Variants in RAPGEF2 observed in about 807,000 individuals in gnomAD.
RAPGEF2 encodes PDZ domain containing guanine nucleotide exchange factor (GEF) 1.
A neutral mutation model predicts 186.7 loss-of-function variants in RAPGEF2; 54 were observed. The observed-to-expected ratio is 0.29, with a 90% CI of 0.23 to 0.36. The LOEUF (loss-of-function observed/expected upper bound fraction) is 0.36. Ranked by LOEUF, RAPGEF2 falls within the 10% of genes least tolerant of loss-of-function variation. RAPGEF2 has a pLI of 1.00. For synonymous variants in RAPGEF2, 712 were observed against 705.9 expected, an observed-to-expected ratio of 1.01 and a Z score of -0.14; for missense variants, 1,532 against 2,045.0, an observed-to-expected ratio of 0.75 and a Z score of 4.84.
intron 1 of RAPGEF2, among the ~76,000 whole-genome samples, chr4:159,116,398 A>G (rs1243630359): frequency 6.6e-6 from 1 of 152,194 alleles, no homozygotes; most frequent in Non-Finnish European, 1.5e-5. Flanking sequence ...ATCTCACGCC[A>G]GTCAGATGGC....
chr4:159,136,730 A>T (rs1361147867), intron 1 of RAPGEF2, among the ~76,000 whole-genome samples: 1 of 152,182 alleles, frequency 6.6e-6, no homozygotes, highest in East Asian at 1.9e-4. Context: ...TTTTACTCTA[A>T]TAATAGTTTC....
chr4:159,192,102 C>G (rs1387429097), intron 2 of RAPGEF2, among the ~76,000 whole-genome samples: 1 of 152,174 alleles, frequency 6.6e-6, no homozygotes, highest in East Asian at 1.9e-4. Context: ...TATTTTTAGA[C>G]TTAATGCTTT....
intron 7 of RAPGEF2, among the ~76,000 whole-genome samples, chr4:159,246,930 C>A (rs1385340090): frequency 6.6e-6 from 1 of 151,892 alleles, no homozygotes; most frequent in Non-Finnish European, 1.5e-5. Flanking sequence ...GATATCACAC[C>A]TGGCTATAAT....
intron 9 of RAPGEF2, among the ~76,000 whole-genome samples, chr4:159,318,885 T>G (rs370206115): frequency 6.6e-6 from 1 of 152,198 alleles, no homozygotes; most frequent in East Asian, 1.9e-4. Flanking sequence ...AATGGTACAT[T>G]GTAAATAAAA....
intron 1 of RAPGEF2, among the ~76,000 whole-genome samples, chr4:159,167,135 A>AT (rs1745408836): frequency 6.6e-6 from 1 of 152,224 alleles, no homozygotes; most frequent in Non-Finnish European, 1.5e-5. Context: ...ACCACGACTC[A>AT]TTAAATGTGT....
intron 11 of RAPGEF2, chr4:159,328,611 G>A (rs919185134): frequency 1.1e-4 from 16 of 152,186 alleles, no homozygotes; most frequent in African/African-American, 2.4e-4. Context: ...AATGAAAGTC[G>A]CTCATAATTT....
At chr4:159,241,468 T>TTATA (rs930120519) in intron 6 of RAPGEF2, 100 bp downstream of exon 6, 2 of 516,326 alleles carry the variant, frequency 3.9e-6, no homozygotes, top group African/African-American at 2.0e-5. Flanking sequence ...ATCTTTTCAA[T>TTATA]TATATATATA....
In RAPGEF2 at chr4:159,289,801, AGGCC is replaced by A. The variant is rs576828488; in HGVS notation, c.544-14540_544-14537del. 2.7e-3 allele frequency among the ~76,000 whole-genome samples: 405 copies of A among 152,322 alleles called. 1 individual carries two copies. The highest frequency in any genetic ancestry group is 9.5e-3 in the African/African-American group (393 of 41,572). ...AGGAGGAGGGTTCAGAGAATTAGCC[AGGCC>A]AGGGGTGAGAGTGTTCTTCCCGGAA... is the stretch of plus-strand genomic sequence containing the variant. On this transcript the variant is annotated intron_variant, in intron 7 of 29. Coordinates refer to ENST00000691494, the MANE Select transcript of RAPGEF2 (RefSeq NM_001394067.2).
Position 159,350,158 on chromosome 4 carries a change from T to A in RAPGEF2, c.3734T>A (p.Leu1245Ter). 2 of 1,568,600 alleles carry A rather than the reference T, an allele frequency of 1.3e-6. No homozygotes were observed. The highest frequency in any genetic ancestry group is 1.2e-5 in the South Asian group (1 of 81,758). The change falls in exon 26 of 30, where the codon TTA becomes TAA. Residue 1245 changes from leucine (L) to a stop codon, truncating the protein, a stop_gained. Transcript: ENST00000691494. LOFTEE classifies it high-confidence loss of function. ...ATAGGCATAAACTCTCCACAAGCTT[T>A]AAAAAAAATTCTTTCTTTGTCTGAA... is the stretch of plus-strand genomic sequence containing the variant. ...PPFGINSPQALKKILSLSEEG... is the reference protein window; with the variant it reads ...PPFGINSPQA
rs1286121466 is a variant in RAPGEF2 at position 159,355,713 on chromosome 4, A to G, written c.4652-140A>G. 3.9e-6 allele frequency: 3 copies of G among 775,160 alleles called. No individual in the cohort carries two copies. In the Admixed American group the frequency reaches 8.7e-5, roughly 22 times the overall value. 48.0% of individuals were successfully genotyped at this position (775,160 alleles called of 1,614,324 possible). ...ACATGCATTCCCTGGCCTGCCTCAC[A>G]CCGCACCTCTAACCGATACCATGCA... On this transcript the variant is annotated intron_variant, in intron 28 of 29. Coordinates refer to ENST00000691494, the MANE Select transcript of RAPGEF2 (RefSeq NM_001394067.2).
At chr4:159,262,077 T>C (rs1257560360) in intron 7 of RAPGEF2, among the ~76,000 whole-genome samples, 1 of 152,228 alleles carries the variant, frequency 6.6e-6, no homozygotes, top group Non-Finnish European at 1.5e-5. Context: ...TTAAACAGTG[T>C]GGAATTTAAC....
chr4:159,235,951 C>T (rs1047538634), intron 4 of RAPGEF2, among the ~76,000 whole-genome samples: 2 of 152,182 alleles, frequency 1.3e-5, no homozygotes, highest in Non-Finnish European at 2.9e-5. Flanking sequence ...GAGGCTTTGT[C>T]ACTGATCAGG....
chr4:159,254,580 C>T (rs1755903322), intron 7 of RAPGEF2, among the ~76,000 whole-genome samples: 2 of 147,560 alleles, frequency 1.4e-5, no homozygotes, highest in African/African-American at 5.0e-5. Flanking sequence ...AGTCCAAAAT[C>T]TGTACCTAAT....
chr4:159,260,383 A>G (rs948836592), intron 7 of RAPGEF2, among the ~76,000 whole-genome samples: 2 of 151,982 alleles, frequency 1.3e-5, no homozygotes, highest in African/African-American at 4.8e-5. Flanking sequence ...TTACGAGGAA[A>G]TCTTATCCCC....
At chr4:159,159,951 A>C (rs1469311326) in intron 1 of RAPGEF2, among the ~76,000 whole-genome samples, 2 of 152,350 alleles carry the variant, frequency 1.3e-5, no homozygotes, top group Non-Finnish European at 2.9e-5. Flanking sequence ...ATCTCCCTCC[A>C]ATCAAGCTTT....
At position 159,339,105 on chromosome 4, in the gene RAPGEF2, T is replaced by C; in HGVS notation, c.2294-9T>C. On this transcript the variant is annotated splice_polypyrimidine_tract_variant and intron_variant, in intron 18 of 29. Coordinates refer to ENST00000691494, the MANE Select transcript of RAPGEF2 (RefSeq NM_001394067.2). ...TTCTACTTATGTGTGTGATTTTTCT[T>C]TCCCCCAGACTTGCCAGATCAAGTG... is the stretch of plus-strand genomic sequence containing the variant. The C allele has an allele frequency of 1.2e-6, 2 of 1,608,802 alleles. No homozygotes were observed. Among genetic ancestry groups the C allele is most frequent in the Non-Finnish European group, 1.7e-6 (2 of 1,176,246 alleles).
At chr4:159,133,678 G>A (rs1741366015) in intron 1 of RAPGEF2, among the ~76,000 whole-genome samples, 1 of 152,032 alleles carries the variant, frequency 6.6e-6, no homozygotes, top group Non-Finnish European at 1.5e-5. Flanking sequence ...CCACCTCCCG[G>A]GTTCATGCCA....
At chr4:159,138,508 A>G (rs546169200) in intron 1 of RAPGEF2, among the ~76,000 whole-genome samples, 2 of 152,144 alleles carry the variant, frequency 1.3e-5, no homozygotes, top group Non-Finnish European at 2.9e-5. Flanking sequence ...ATGTAGGCCA[A>G]ATTTTAAGAG....
chr4:159,249,930 A>C (rs1275578014), intron 7 of RAPGEF2, among the ~76,000 whole-genome samples: 1 of 152,202 alleles, frequency 6.6e-6, no homozygotes, highest in East Asian at 1.9e-4. Context: ...CTGACTGAGC[A>C]TATCCATTTC....
Sources: allele counts gnomAD v4.1 joint callset (sites outside exome capture counted in the v4.1 genomes callset), GRCh38; gene constraint gnomAD v4.1.1; transcripts MANE v1.5; gene names NCBI Gene and HGNC (gene_info 2026-07-23, HGNC 2026-07-21).